The following PALM2AKAP2 variants were observed in gnomAD, a reference collection of about 807,000 sequenced individuals.
PALM2AKAP2 encodes PALM2-AKAP2 fusion protein.
Under a neutral mutation model 71.5 loss-of-function variants are expected in PALM2AKAP2, and 37 were observed. The observed-to-expected ratio is 0.52, with a 90% CI of 0.40 to 0.68. PALM2AKAP2 has a LOEUF of 0.68. Among genes scored for constraint, PALM2AKAP2 ranks in the 30% least tolerant of loss-of-function variants. PALM2AKAP2 has a pLI of 0.00. For missense variants in PALM2AKAP2, 1,224 were observed against 1,191.8 expected, an observed-to-expected ratio of 1.03 and a Z score of -0.40; for synonymous variants, 468 against 478.8, an observed-to-expected ratio of 0.98 and a Z score of 0.29.
intron 7 of PALM2AKAP2, among the ~76,000 whole-genome samples, chr9:110,028,964 A>G (rs112132295): frequency 1.5e-4 from 23 of 150,264 alleles, no homozygotes; most frequent in African/African-American, 5.4e-4. Context: ...AAAAAAAAAG[A>G]CTTTTTTCAT....
intron 1 of PALM2AKAP2, among the ~76,000 whole-genome samples, chr9:110,132,520 G>GGA: frequency 6.6e-6 from 1 of 151,894 alleles, no homozygotes; most frequent in South Asian, 2.1e-4. Context: ...AGTGGAGACA[G>GGA]GGTTTCACCA....
At chr9:110,086,637 A>C (rs186470030) in intron 1 of PALM2AKAP2, among the ~76,000 whole-genome samples, 73 of 152,312 alleles carry the variant, frequency 4.8e-4, no homozygotes, top group Non-Finnish European at 1.3e-4. Context: ...GTCAGTCTAA[A>C]TGACTTGACT....
chr9:109,902,813 T>C (rs1288912365), intron 3 of PALM2AKAP2, among the ~76,000 whole-genome samples: 4 of 152,112 alleles, frequency 2.6e-5, no homozygotes, highest in Non-Finnish European at 5.9e-5. Context: ...TGGGAGGAAT[T>C]CCCTGTCCAT....
chr9:110,100,218 A>G (rs1564304765), intron 1 of PALM2AKAP2, among the ~76,000 whole-genome samples: 1 of 151,956 alleles, frequency 6.6e-6, no homozygotes, highest in African/African-American at 2.4e-5. Flanking sequence ...AAAAGGCAGC[A>G]TGGGTATTAT....
intron 3 of PALM2AKAP2, among the ~76,000 whole-genome samples, chr9:109,918,294 CT>C (rs1830741511): frequency 6.6e-6 from 1 of 152,166 alleles, no homozygotes; most frequent in African/African-American, 2.4e-5. Flanking sequence ...GCGAGAGTTC[CT>C]TTCTGTTTTC....
chr9:110,035,444 G>A lies in PALM2AKAP2; in HGVS notation c.582+19405G>A, dbSNP rs192167791. Among the ~76,000 whole-genome samples the A allele has an allele frequency of 6.9e-3, 974 of 140,700 alleles. 7 individuals carry two copies. Among genetic ancestry groups the A allele is most frequent in the Non-Finnish European group, 0.011 (707 of 66,134 alleles). 92.3% of individuals were successfully genotyped at this position (140,700 alleles called of 152,430 possible). On this transcript the variant is annotated intron_variant, in intron 7 of 9. Coordinates refer to the PALM2AKAP2 transcript ENST00000302798. ...TACATATTATATACGTATATTATGC[G>A]TATAATACAGATATATGTATATATA... is the stretch of plus-strand genomic sequence containing the variant.
intron 2 of PALM2AKAP2, among the ~76,000 whole-genome samples, chr9:110,140,471 T>C (rs1457967158): frequency 6.6e-6 from 1 of 152,222 alleles, no homozygotes. Flanking sequence ...CTCATTGTTA[T>C]TGCATTGTCA....
chr9:109,649,334 A>AT (rs760422061), intron 1 of PALM2AKAP2, among the ~76,000 whole-genome samples: 1 of 151,734 alleles, frequency 6.6e-6, no homozygotes, highest in African/African-American at 2.4e-5. Flanking sequence ...AATTTTTCTC[A>AT]TTTTTTTCCT....
At chr9:109,819,724 T>C (rs139780867) in intron 1 of PALM2AKAP2, among the ~76,000 whole-genome samples, 39 of 152,094 alleles carry the variant, frequency 2.6e-4, no homozygotes, top group Non-Finnish European at 4.7e-4. Flanking sequence ...TGTGTGTGTG[T>C]GTGTGTGTGT....
intron 6 of PALM2AKAP2, among the ~76,000 whole-genome samples, chr9:109,961,056 AT>A (rs1831842853): frequency 6.6e-6 from 1 of 152,208 alleles, no homozygotes; most frequent in Admixed American, 6.5e-5. Flanking sequence ...ATACTGCACA[AT>A]CCTGGAAGGC....
chr9:109,719,484 C>G (rs1439567197), intron 1 of PALM2AKAP2, among the ~76,000 whole-genome samples: 2 of 152,136 alleles, frequency 1.3e-5, no homozygotes, highest in Non-Finnish European at 2.9e-5. Flanking sequence ...GATTCTGATT[C>G]CATAACAAAA....
At chr9:110,147,995 G>A (rs1446038192) in intron 2 of PALM2AKAP2, among the ~76,000 whole-genome samples, 1 of 152,050 alleles carries the variant, frequency 6.6e-6, no homozygotes, top group Non-Finnish European at 1.5e-5. Flanking sequence ...AAAAACTAAA[G>A]AGTAAAAAGT....
upstream of PALM2AKAP2, among the ~76,000 whole-genome samples, chr9:110,046,083 A>G (rs952635897): frequency 3.3e-5 from 5 of 152,200 alleles, no homozygotes; most frequent in Non-Finnish European, 7.3e-5. Context: ...GGGGAGTTCA[A>G]TCACCCTCAA....
At chr9:109,942,668 C>T (rs1304410668) in intron 6 of PALM2AKAP2, 2 of 1,526,840 alleles carry the variant, frequency 1.3e-6, no homozygotes, top group Non-Finnish European at 1.8e-6. Context: ...CACTTCCTTT[C>T]TCTTGTTTTC....
upstream of PALM2AKAP2, among the ~76,000 whole-genome samples, chr9:110,047,844 A>G (rs986195604): frequency 1.8e-4 from 27 of 152,192 alleles, no homozygotes; most frequent in Non-Finnish European, 3.7e-4. Flanking sequence ...GGTCATTAAC[A>G]TTATTTAAAT....
At chr9:109,642,844 CT>C (rs11446176) in intron 1 of PALM2AKAP2, among the ~76,000 whole-genome samples, 16,075 of 139,348 alleles carry the variant, frequency 0.12, 960 homozygotes, top group South Asian at 0.2. Context: ...CATGCCCAGT[CT>C]TTTTTTTTTT....
At chr9:110,100,556 C>T (rs186800427) in intron 1 of PALM2AKAP2, among the ~76,000 whole-genome samples, 19 of 152,204 alleles carry the variant, frequency 1.2e-4, no homozygotes, top group Admixed American at 5.9e-4. Context: ...GAAGGCTTAA[C>T]GGCCAGTCCT....
At chr9:109,825,452 G>C (rs982539086) in intron 1 of PALM2AKAP2, among the ~76,000 whole-genome samples, 3 of 152,176 alleles carry the variant, frequency 2.0e-5, no homozygotes, top group African/African-American at 7.2e-5. Flanking sequence ...GAAAATTTTT[G>C]CAGCCTACTC....
intron 6 of PALM2AKAP2, among the ~76,000 whole-genome samples, chr9:110,013,491 A>G (rs1331976594): frequency 6.6e-6 from 1 of 152,224 alleles, no homozygotes; most frequent in Non-Finnish European, 1.5e-5. Context: ...GAAATAATCT[A>G]TTCATGTAGG....
Sources: gnomAD v4.1 joint callset for allele counts (sites outside exome capture counted in the v4.1 genomes callset) on GRCh38, gnomAD v4.1.1 for gene constraint, MANE v1.5 for transcripts, NCBI Gene and HGNC (gene_info 2026-07-23, HGNC 2026-07-21) for gene names.